The following ARIH2 variants were observed in gnomAD, a reference collection of about 807,000 sequenced individuals.
ARIH2 encodes E3 ubiquitin-protein ligase ARIH2.
Under a neutral mutation model 79.8 loss-of-function variants are expected in ARIH2, and 12 were observed. The ratio of observed to expected loss-of-function variants is 0.15; its 90% CI spans 0.10 to 0.24. The LOEUF (loss-of-function observed/expected upper bound fraction) is 0.24. Ranked by LOEUF, ARIH2 falls within the 10% of genes least tolerant of loss-of-function variation. The probability of loss-of-function intolerance (pLI) is 1.00; values close to 1 mark genes in which losing one functional copy is unlikely to be tolerated. For synonymous variants in ARIH2, 224 were observed against 213.9 expected, an observed-to-expected ratio of 1.05 and a Z score of -0.41; for missense variants, 301 against 618.3, an observed-to-expected ratio of 0.49 and a Z score of 5.44.
In ARIH2 at chr3:48,923,457, G is replaced by GT. The variant is rs1250310675; in HGVS notation, c.-98+656dup. Among the ~76,000 whole-genome samples, 209 of 145,246 alleles carry GT rather than the reference G, an allele frequency of 1.4e-3. 3 individuals carry two copies. The East Asian group carries it at 0.021, about 15-fold the overall frequency. On this transcript the variant is annotated intron_variant, in intron 2 of 15. Coordinates refer to ENST00000356401, the MANE Select transcript of ARIH2 (RefSeq NM_006321.4). ...TTTTTATTGCCCCACAATTAATAGGGTTTTTTTTTTAATTTTTAGAAATGG... is the reference window on the plus strand; with the variant it reads ...TTTTTATTGCCCCACAATTAATAGGGTTTTTTTTTTTAATTTTTAGAAATGG...
Position 48,983,397 on chromosome 3 carries a change from A to T in ARIH2, c.*127A>T. 1 of 813,544 alleles carries T rather than the reference A, an allele frequency of 1.2e-6. No individual in the cohort carries two copies. The highest frequency in any genetic ancestry group is 2.1e-6 in the Non-Finnish European group (1 of 478,266). The allele number at this position is 813,544 out of a possible 1,614,324, so 50.4% of individuals were successfully genotyped here. A position where few individuals can be genotyped will look rare whatever the true frequency, so the allele number is the denominator to read the frequency against. On this transcript the variant is annotated 3_prime_UTR_variant, in exon 16 of 16. Transcript: ENST00000356401. ...AGCCAGGGCCCCACTCCTGAGAGAC[A>T]CTGGCAACACCTCTTAGTTGATTTC...
chr3:48,981,562 C>T, intron 13 of ARIH2, 98 bp from the exon 14 acceptor site: 2 of 934,828 alleles, frequency 2.1e-6, no homozygotes, highest in Non-Finnish European at 3.4e-6. Context: ...TAGAGCTGGG[C>T]TAATTTGCAT....
intron 9 of ARIH2, among the ~76,000 whole-genome samples, chr3:48,974,101 C>T (rs1166591089): frequency 6.6e-6 from 1 of 152,170 alleles, no homozygotes; most frequent in Non-Finnish European, 1.5e-5. Flanking sequence ...GAACGCCTAC[C>T]AGCCTTTAAC....
At position 48,927,508 on chromosome 3, in the gene ARIH2, AG is replaced by A; in HGVS notation, c.-46del. The stretch of plus-strand genomic sequence containing the variant: ...TTGAGAAAGCGGTAGTTTTGGGGGG[AG>A]GGGGAAAAAGCAACTGCTTTCCTGA... On this transcript the variant is annotated 5_prime_UTR_variant, in exon 3 of 16. Transcript: ENST00000356401. 1 of 1,580,114 alleles carries A rather than the reference AG, an allele frequency of 6.3e-7. No homozygotes were observed. The highest frequency in any genetic ancestry group is 8.6e-7 in the Non-Finnish European group (1 of 1,165,348).
intron 12 of ARIH2, 173 bp downstream of exon 12, chr3:48,979,806 T>A: frequency 3.0e-6 from 2 of 662,244 alleles, no homozygotes; most frequent in African/African-American, 1.8e-5. Context: ...TCAAGCTCTA[T>A]AGGGTATATC....
chr3:48,919,360 G>T, intron 1 of ARIH2: 1 of 588,864 alleles, frequency 1.7e-6, no homozygotes, highest in Non-Finnish European at 2.5e-6. Context: ...AGCGCTGCCC[G>T]CGCGGTTTAA....
intron 3 of ARIH2, among the ~76,000 whole-genome samples, chr3:48,950,856 CA>C (rs1392555169): frequency 6.6e-6 from 1 of 151,438 alleles, no homozygotes; most frequent in Non-Finnish European, 1.5e-5. Flanking sequence ...CTTAATTTTT[CA>C]ATTTGCTGCT....
At chr3:48,968,027 TTTTGTTTG>T (rs987218535) in intron 6 of ARIH2, 1 of 154,162 alleles carries the variant, frequency 6.5e-6, no homozygotes, top group East Asian at 1.9e-4. Flanking sequence ...TTTGTTTTTT[TTTTGTTTG>T]TTTGTTTGTT....
chr3:48,937,875 G>A (rs749841003), intron 3 of ARIH2, among the ~76,000 whole-genome samples: 10 of 151,910 alleles, frequency 6.6e-5, no homozygotes, highest in African/African-American at 9.7e-5. Context: ...ATGAAACGCC[G>A]TCTCTACTAA....
rs2107585741 is a variant in ARIH2, at chr3:48,967,223, C to T, written c.486C>T (p.Arg162=). The T allele has an allele frequency of 1.2e-6, 2 of 1,614,220 alleles. No homozygotes were observed. Among genetic ancestry groups the T allele is most frequent in the East Asian group, 4.5e-5 (2 of 44,886 alleles). ...TGGCCTGTCAGCACCAGTTTTGCCG[C>T]AGCTGCTGGGAGCAGCACTGCTCAG... ...LSLACQHQFC[R]SCWEQHCSVL... Residue 162 remains arginine, a synonymous_variant, in exon 6 of 16, where the codon CGC becomes CGT. Transcript: ENST00000356401.
chr3:48,976,431 G>A (rs575393953), intron 11 of ARIH2, among the ~76,000 whole-genome samples: 2 of 151,880 alleles, frequency 1.3e-5, no homozygotes, highest in South Asian at 4.2e-4. Flanking sequence ...GGCTGGTCTC[G>A]AACTTCTGAC....
At chr3:48,981,756 TCCC>T in intron 14 of ARIH2, 28 bp downstream of exon 14, 1 of 1,588,520 alleles carries the variant, frequency 6.3e-7, no homozygotes, top group Non-Finnish European at 8.6e-7. Context: ...TTCTACTCTG[TCCC>T]GTTAGCCTCA....
At chr3:48,945,980 A>G (rs1320894102) in intron 3 of ARIH2, among the ~76,000 whole-genome samples, 1 of 152,170 alleles carries the variant, frequency 6.6e-6, no homozygotes, top group Non-Finnish European at 1.5e-5. Context: ...GTTTTATCTT[A>G]TAAGGTAGTC....
At chr3:48,961,972 T>A (rs894682347) in intron 4 of ARIH2, among the ~76,000 whole-genome samples, 9 of 152,230 alleles carry the variant, frequency 5.9e-5, no homozygotes, top group African/African-American at 2.2e-4. Context: ...TTTCCCATTG[T>A]TAATTTTTAA....
At position 48,927,513 on chromosome 3, in the gene ARIH2, G is replaced by A. The variant is rs2085793807; in HGVS notation, c.-46G>A. On this transcript the variant is annotated 5_prime_UTR_variant, in exon 3 of 16. Transcript: ENST00000356401. ...AAAGCGGTAGTTTTGGGGGGAGGGG[G>A]AAAAAGCAACTGCTTTCCTGATCTG... 6.3e-7 allele frequency: 1 copy of A among 1,589,766 alleles called. No individual in the cohort carries two copies. Among genetic ancestry groups the A allele is most frequent in the African/African-American group, 1.4e-5 (1 of 73,550 alleles).
At chr3:48,932,184 A>C (rs1035455690) in intron 3 of ARIH2, among the ~76,000 whole-genome samples, 1 of 152,182 alleles carries the variant, frequency 6.6e-6, no homozygotes, top group Non-Finnish European at 1.5e-5. Context: ...TAGAGAACAG[A>C]GAAAATGCTT....
chr3:48,923,553 C>G (rs1424022521), intron 2 of ARIH2, among the ~76,000 whole-genome samples: 1 of 149,316 alleles, frequency 6.7e-6, no homozygotes, highest in East Asian at 1.9e-4. Flanking sequence ...TAGAGTTTCC[C>G]TCTTGTTGCC....
At position 48,964,973 on chromosome 3, in the gene ARIH2, A is replaced by G. The variant is rs774980217; in HGVS notation, c.378A>G (p.Pro126=). ...LLVEARVQPN[P]SKHVPTSHPP... is the part of the protein sequence containing the mutation. ...TTGAGGCTCGAGTTCAGCCTAATCC[A>G]TCAAAACATGTGAGTGTCTATTACT... Residue 126 remains proline, a synonymous_variant, in exon 5 of 16, where the codon CCA becomes CCG. Transcript: ENST00000356401. The G allele has an allele frequency of 2.5e-6, 4 of 1,613,394 alleles. No individual in the cohort carries two copies. The highest frequency in any genetic ancestry group is 4.5e-5 in the East Asian group (2 of 44,852).
At chr3:48,978,965 A>C (rs1472399357) in intron 11 of ARIH2, among the ~76,000 whole-genome samples, 1 of 152,096 alleles carries the variant, frequency 6.6e-6, no homozygotes, top group Non-Finnish European at 1.5e-5. Flanking sequence ...TGTCTCAAAA[A>C]AAAAAAGAAA....
Sources: gnomAD v4.1 joint callset for allele counts (sites outside exome capture counted in the v4.1 genomes callset) on GRCh38, gnomAD v4.1.1 for gene constraint, MANE v1.5 for transcripts, NCBI Gene and HGNC (gene_info 2026-07-23, HGNC 2026-07-21) for gene names.